Variants in ANKRD12 observed in about 807,000 individuals in gnomAD.
The protein encoded by ANKRD12 is ankyrin repeat domain 12, also known as ankyrin repeat domain-containing protein 12.
In ANKRD12, 85 loss-of-function variants were observed where a neutral mutation model predicts 183.4. That is an observed-to-expected ratio of 0.46 (90% CI 0.39 to 0.56). The LOEUF is 0.56. Among genes scored for constraint, ANKRD12 ranks in the 20% least tolerant of loss-of-function variants. The probability of loss-of-function intolerance (pLI) is 0.00; values close to 1 mark genes in which losing one functional copy is unlikely to be tolerated. For synonymous variants in ANKRD12, 914 were observed against 800.2 expected (o/e 1.14, Z -2.40); for missense variants, 2,405 against 2,357.1 (o/e 1.02, Z -0.42).
intron 4 of ANKRD12, 64 bp from the exon 5 acceptor site, chr18:9,208,593 C>G (rs961576325): frequency 2.7e-6 from 4 of 1,459,212 alleles, no homozygotes; most frequent in Non-Finnish European, 3.7e-6. Flanking sequence ...AAAAATTCAT[C>G]TTAAACTTGC....
At position 9,281,169 on chromosome 18, in the gene ANKRD12, T is replaced by G. The variant is rs1242728256; in HGVS notation, c.*43T>G. 1 of 1,534,264 alleles carries G rather than the reference T, an allele frequency of 6.5e-7. No homozygotes were observed. The highest frequency in any genetic ancestry group is 2.3e-5 in the East Asian group (1 of 44,078). On this transcript the variant is annotated 3_prime_UTR_variant, in exon 13 of 13. Coordinates refer to ENST00000262126, the MANE Select transcript of ANKRD12 (RefSeq NM_015208.5). ...TGGTATTGTCCTAAACTGGTGATGC[T>G]CAAGCATTATACTGTGGAATACTGC...
intron 1 of ANKRD12, among the ~76,000 whole-genome samples, chr18:9,165,567 G>T (rs1366028033): frequency 2.6e-5 from 4 of 152,040 alleles, no homozygotes; most frequent in Admixed American, 1.3e-4. Context: ...TATGAATTTG[G>T]CTATTCTAAG....
chr18:9,140,528 A>G (rs2078279477), intron 1 of ANKRD12, among the ~76,000 whole-genome samples: 1 of 152,204 alleles, frequency 6.6e-6, no homozygotes, highest in Non-Finnish European at 1.5e-5. Context: ...TGTTTCTGTA[A>G]CAGACAGTGG....
At chr18:9,185,939 C>CT (rs971729394) in intron 2 of ANKRD12, among the ~76,000 whole-genome samples, 1 of 152,190 alleles carries the variant, frequency 6.6e-6, no homozygotes, top group Non-Finnish European at 1.5e-5. Context: ...AGCATTATAA[C>CT]TTTTATTTCT....
In ANKRD12 at chr18:9,157,097, T is replaced by G. The variant is rs370149774; in HGVS notation, c.-52+20132T>G. On this transcript the variant is annotated intron_variant, in intron 1 of 12. Transcript: ENST00000262126. ...GATGTTACTCAGTGCCACAGAACTC[T>G]GAACCGTGCTTCTAGAATTAGGATG... Among the ~76,000 whole-genome samples the G allele has an allele frequency of 2.1e-4, 32 of 152,364 alleles. 1 individual carries two copies. The highest frequency in any genetic ancestry group is 6.8e-3 in the Middle Eastern group (2 of 294).
chr18:9,168,277 TA>T (rs2032300254), intron 1 of ANKRD12, among the ~76,000 whole-genome samples: 2 of 152,208 alleles, frequency 1.3e-5, no homozygotes, highest in African/African-American at 4.8e-5. Flanking sequence ...TTGATTGGAA[TA>T]ATTTCAGAAG....
intron 8 of ANKRD12, among the ~76,000 whole-genome samples, chr18:9,233,144 G>C (rs1315630176): frequency 6.6e-6 from 1 of 151,948 alleles, no homozygotes; most frequent in Non-Finnish European, 1.5e-5. Flanking sequence ...GAGCCACTGT[G>C]CCTGGCCAAG....
chr18:9,267,143 C>G (rs1204333303), intron 10 of ANKRD12, among the ~76,000 whole-genome samples: 1 of 152,136 alleles, frequency 6.6e-6, no homozygotes, highest in Non-Finnish European at 1.5e-5. Context: ...TAGAAAGAGA[C>G]TTAGATTCCC....
At position 9,179,635 on chromosome 18, in the gene ANKRD12, C is replaced by G. The variant is rs142011051; in HGVS notation, c.-51-2747C>G. Reference sequence around the variant, plus strand: ...GGCTCAAGCAATCCTCCCACCTCAGCCTCCTGAGTAGCTGGGACCACCTGC... The same window carrying G: ...GGCTCAAGCAATCCTCCCACCTCAGGCTCCTGAGTAGCTGGGACCACCTGC... On this transcript the variant is annotated intron_variant, in intron 1 of 12. Coordinates refer to ENST00000262126, the MANE Select transcript of ANKRD12 (RefSeq NM_015208.5). Among the ~76,000 whole-genome samples the G allele has an allele frequency of 8.6e-3, 1,312 of 152,218 alleles. 23 individuals are homozygous for G. Among genetic ancestry groups the G allele is most frequent in the African/African-American group, 0.03 (1,239 of 41,526 alleles).
intron 7 of ANKRD12, among the ~76,000 whole-genome samples, chr18:9,220,049 G>GT (rs2036333038): frequency 6.6e-6 from 1 of 152,216 alleles, no homozygotes; most frequent in African/African-American, 2.4e-5. Flanking sequence ...GGTATCATGA[G>GT]TAAGTTGTTT....
chr18:9,274,580 G>A (rs2039746179), intron 10 of ANKRD12, among the ~76,000 whole-genome samples: 1 of 152,162 alleles, frequency 6.6e-6, no homozygotes, highest in African/African-American at 2.4e-5. Flanking sequence ...GACTGCTGAT[G>A]GGTAGCAGGT....
intron 6 of ANKRD12, among the ~76,000 whole-genome samples, chr18:9,211,989 A>C (rs189990519): frequency 2.6e-5 from 4 of 152,240 alleles, no homozygotes; most frequent in Non-Finnish European, 4.4e-5. Flanking sequence ...ATTTTTATAT[A>C]CTAAACTTAT....
intron 10 of ANKRD12, among the ~76,000 whole-genome samples, chr18:9,264,733 GTAATA>G (rs1341972714): frequency 1.3e-5 from 2 of 151,992 alleles, no homozygotes; most frequent in African/African-American, 4.8e-5. Flanking sequence ...AAGAAGTCAG[GTAATA>G]TAACACACAT....
chr18:9,207,908 C>T (rs2035576257), intron 4 of ANKRD12, among the ~76,000 whole-genome samples: 1 of 152,166 alleles, frequency 6.6e-6, no homozygotes, highest in South Asian at 2.1e-4. Flanking sequence ...GAATTCAGTT[C>T]AGTCTGAATT....
intron 10 of ANKRD12, among the ~76,000 whole-genome samples, chr18:9,272,987 A>G (rs1177386254): frequency 6.6e-6 from 1 of 152,154 alleles, no homozygotes; most frequent in African/African-American, 2.4e-5. Flanking sequence ...GGAAACCTAG[A>G]AGACTAGGCA....
intron 8 of ANKRD12, among the ~76,000 whole-genome samples, chr18:9,241,899 T>C (rs2037684683): frequency 6.6e-6 from 1 of 151,970 alleles, no homozygotes. Context: ...TAGTTTTTTT[T>C]TTTTTTCAAA....
chr18:9,254,481 C>G lies in ANKRD12; in HGVS notation c.1214C>G (p.Ala405Gly). ...CATTTATTTGCAAAACAGGAGAAAGCCTTCTATCCTAAATCATTTAAAAGT... is the reference window on the plus strand; with the variant it reads ...CATTTATTTGCAAAACAGGAGAAAGGCTTCTATCCTAAATCATTTAAAAGT... ...KTHLFAKQEK[A>G]FYPKSFKSKK... The change falls in exon 9 of 13, where the codon GCC becomes GGC. Residue 405 changes from alanine (A) to glycine (G), a missense_variant. Around this residue, in one of 7 missense-constraint regions of ANKRD12, gnomAD observed 1,983 missense variants for 1,725.9 expected, o/e 1.15. Transcript: ENST00000262126. The G allele has an allele frequency of 6.4e-7, 1 of 1,557,412 alleles. No individual in the cohort carries two copies. Among genetic ancestry groups the G allele is most frequent in the Non-Finnish European group, 8.6e-7 (1 of 1,158,464 alleles).
At chr18:9,235,873 T>C in intron 8 of ANKRD12, 1 of 287,764 alleles carries the variant, frequency 3.5e-6, no homozygotes, top group Non-Finnish European at 7.2e-6. Context: ...TAATAGTTGA[T>C]TTATTCTTCT....
At chr18:9,277,200 G>GCC (rs1159792183) in intron 11 of ANKRD12, among the ~76,000 whole-genome samples, 1 of 152,032 alleles carries the variant, frequency 6.6e-6, no homozygotes, top group Admixed American at 6.6e-5. Flanking sequence ...CATGCCTGTA[G>GCC]CCCCAGCTAC....
Sources: gnomAD v4.1 joint callset for allele counts (sites outside exome capture counted in the v4.1 genomes callset) on GRCh38, gnomAD v4.1.1 for gene constraint, gnomAD v4.1.1 regional missense constraint, MANE v1.5 for transcripts, NCBI Gene and HGNC (gene_info 2026-07-23, HGNC 2026-07-21) for gene names.